Variants in PRKN observed in about 807,000 individuals in gnomAD.
PRKN encodes the protein E3 ubiquitin-protein ligase parkin.
A neutral mutation model predicts 59.5 loss-of-function variants in PRKN; 56 were observed. The ratio of observed to expected loss-of-function variants is 0.94; its 90% CI spans 0.76 to 1.18. PRKN has a LOEUF of 1.18. Ranked by LOEUF, PRKN falls within the 50% of genes most tolerant of loss-of-function variation. The pLI, the probability that PRKN is intolerant of heterozygous loss-of-function variation, is 0.00. For synonymous variants in PRKN, 250 were observed against 222.1 expected, an observed-to-expected ratio of 1.13 and a Z score of -1.12; for missense variants, 657 against 596.4, an observed-to-expected ratio of 1.10 and a Z score of -1.06.
intron 3 of PRKN, 84 bp downstream of exon 3, chr6:162,262,441 T>C: frequency 6.6e-7 from 1 of 1,525,590 alleles, no homozygotes; most frequent in Non-Finnish European, 9.1e-7. Flanking sequence ...AAACTAAATA[T>C]GCACCCGGTG....
chr6:162,067,216 G>T (rs903904030), intron 4 of PRKN, among the ~76,000 whole-genome samples: 4 of 152,122 alleles, frequency 2.6e-5, no homozygotes, highest in Non-Finnish European at 5.9e-5. Context: ...ACTTTTACAT[G>T]AGAGAAAAAC....
In PRKN at chr6:162,667,668, C is replaced by T. The variant is rs560446175; in HGVS notation, c.7+59994G>A. Among the ~76,000 whole-genome samples, 337 of 152,126 alleles carry T rather than the reference C, an allele frequency of 2.2e-3. 2 individuals carry two copies. The highest frequency in any genetic ancestry group is 3.8e-3 in the Non-Finnish European group (259 of 67,958). ...GATCTTTTGAGTTCCCTCTTTCTCA[C>T]TTTTCTAACAGAAAAATATAGCATA... On this transcript the variant is annotated intron_variant, in intron 1 of 11. Coordinates refer to ENST00000366898, the MANE Select transcript of PRKN (RefSeq NM_004562.3).
chr6:161,981,530 C>T (rs12204836), intron 5 of PRKN, among the ~76,000 whole-genome samples: 4,603 of 152,088 alleles, frequency 0.03, 110 homozygotes, highest in Non-Finnish European at 0.04. Flanking sequence ...CAAACAGAAA[C>T]TCCACAAAAA....
chr6:162,527,324 G>C (rs907580847), intron 1 of PRKN, among the ~76,000 whole-genome samples: 1 of 152,088 alleles, frequency 6.6e-6, no homozygotes, highest in South Asian at 2.1e-4. Flanking sequence ...TTTTAAATTC[G>C]CACATAACAG....
At chr6:162,646,672 T>G (rs980904151) in intron 1 of PRKN, among the ~76,000 whole-genome samples, 1 of 152,162 alleles carries the variant, frequency 6.6e-6, no homozygotes, top group Non-Finnish European at 1.5e-5. Flanking sequence ...GGTGATTTCA[T>G]CATTGTGAGT....
At chr6:162,496,334 C>T (rs1793064147) in intron 1 of PRKN, among the ~76,000 whole-genome samples, 1 of 152,152 alleles carries the variant, frequency 6.6e-6, no homozygotes, top group South Asian at 2.1e-4. Context: ...GCATGAGTAA[C>T]TTCTACATTC....
At chr6:162,008,609 A>C (rs1482339946) in intron 5 of PRKN, among the ~76,000 whole-genome samples, 1 of 152,150 alleles carries the variant, frequency 6.6e-6, no homozygotes, top group Non-Finnish European at 1.5e-5. Flanking sequence ...TAAGGGTATC[A>C]CACCTCAGTT....
At chr6:162,157,801 C>T (rs966583115) in intron 4 of PRKN, among the ~76,000 whole-genome samples, 1 of 151,966 alleles carries the variant, frequency 6.6e-6, no homozygotes, top group Non-Finnish European at 1.5e-5. Flanking sequence ...CCAACTACAG[C>T]CAAGTTGAAT....
intron 1 of PRKN, among the ~76,000 whole-genome samples, chr6:162,468,283 G>A (rs1791536275): frequency 6.6e-6 from 1 of 152,212 alleles, no homozygotes; most frequent in Admixed American, 6.5e-5. Context: ...TGCTACAAAT[G>A]TTGAAGTGAA....
intron 2 of PRKN, among the ~76,000 whole-genome samples, chr6:162,293,076 G>A (rs1781515457): frequency 6.6e-6 from 1 of 152,196 alleles, no homozygotes. Context: ...TAAGCCAGAT[G>A]TTTAGCATCC....
At chr6:162,455,046 G>T (rs762464479) in intron 1 of PRKN, among the ~76,000 whole-genome samples, 30 of 152,190 alleles carry the variant, frequency 2.0e-4, no homozygotes, top group Admixed American at 1.6e-3. Context: ...CAAGAGAGAT[G>T]GTGATGTTCA....
intron 6 of PRKN, among the ~76,000 whole-genome samples, chr6:161,923,166 C>A (rs1778845347): frequency 6.6e-6 from 1 of 152,196 alleles, no homozygotes; most frequent in South Asian, 2.1e-4. Context: ...CTGAGTGAAT[C>A]CCCATCACAC....
At chr6:162,372,413 C>T (rs376149808) in intron 2 of PRKN, among the ~76,000 whole-genome samples, 66 of 151,062 alleles carry the variant, frequency 4.4e-4, no homozygotes, top group African/African-American at 1.4e-3. Context: ...TTTACTCACA[C>T]GTGCTACACA....
intron 6 of PRKN, among the ~76,000 whole-genome samples, chr6:161,946,252 T>C (rs574578478): frequency 1.3e-5 from 2 of 152,274 alleles, no homozygotes; most frequent in South Asian, 4.1e-4. Flanking sequence ...AAGTTTCTTA[T>C]TTATTATGCC....
intron 9 of PRKN, among the ~76,000 whole-genome samples, chr6:161,516,951 T>C (rs983406639): frequency 1.3e-5 from 2 of 152,164 alleles, no homozygotes; most frequent in Non-Finnish European, 2.9e-5. Context: ...TCTCATTGTA[T>C]GCATCATGTT....
At chr6:161,633,752 A>C (rs1388420807) in intron 7 of PRKN, among the ~76,000 whole-genome samples, 2 of 152,126 alleles carry the variant, frequency 1.3e-5, no homozygotes, top group Non-Finnish European at 2.9e-5. Flanking sequence ...AATTTAATTA[A>C]AGCACTCAGT....
rs557534426 is a variant in PRKN at position 161,451,996 on chromosome 6, C to T, written c.1084-65119G>A. The stretch of plus-strand genomic sequence containing the variant: ...TTTGGGATGGAGTCTCACTCTGTTG[C>T]CCAGACTGGAGTGCAGTGGCATGAT... On this transcript the variant is annotated intron_variant, in intron 9 of 11. Transcript: ENST00000366898. This position sits in a 1 kb window ranked among gnomAD's most constrained non-coding sequence, Gnocchi z 5.9. Among the ~76,000 whole-genome samples the T allele has an allele frequency of 4.6e-5, 7 of 150,906 alleles. No homozygotes were observed. The highest frequency in any genetic ancestry group is 4.0e-4 in the Admixed American group (6 of 15,142).
At chr6:162,497,398 C>T (rs1160643652) in intron 1 of PRKN, among the ~76,000 whole-genome samples, 2 of 152,298 alleles carry the variant, frequency 1.3e-5, no homozygotes, top group Non-Finnish European at 2.9e-5. Flanking sequence ...TGTTAGAAGT[C>T]TAGAAAAACA....
chr6:161,919,276 C>T (rs1362513502), intron 6 of PRKN, among the ~76,000 whole-genome samples: 1 of 152,122 alleles, frequency 6.6e-6, no homozygotes, highest in African/African-American at 2.4e-5. Context: ...CATTTGATTC[C>T]ATTTATCTAA....
Sources: allele counts gnomAD v4.1 joint callset (sites outside exome capture counted in the v4.1 genomes callset), GRCh38; gene constraint gnomAD v4.1.1; non-coding constraint Gnocchi (gnomAD v3.1); transcripts MANE v1.5; gene names NCBI Gene and HGNC (gene_info 2026-07-23, HGNC 2026-07-21).